The following TBC1D19 variants were observed in gnomAD, a reference collection of about 807,000 sequenced individuals.
The protein encoded by TBC1D19 is TBC1 domain family, member 19.
Under a neutral mutation model 89.0 loss-of-function variants are expected in TBC1D19, and 60 were observed. The observed-to-expected ratio is 0.67, with a 90% CI of 0.55 to 0.84. The LOEUF is 0.84. Ranked by LOEUF, TBC1D19 falls within the 40% of genes least tolerant of loss-of-function variation. The pLI, the probability that TBC1D19 is intolerant of heterozygous loss-of-function variation, is 0.00. For missense variants in TBC1D19, 500 were observed against 610.8 expected (o/e 0.82, Z 1.91); for synonymous variants, 189 against 199.7 (o/e 0.95, Z 0.45).
At chr4:26,585,485 AAT>A (rs1329093730) in intron 1 of TBC1D19, among the ~76,000 whole-genome samples, 3 of 152,064 alleles carry the variant, frequency 2.0e-5, no homozygotes, top group Non-Finnish European at 4.4e-5. Flanking sequence ...TTAAAAAAAA[AAT>A]AGTGTTGTCT....
At chr4:26,593,341 AG>A (rs756053915) in intron 1 of TBC1D19, among the ~76,000 whole-genome samples, 1 of 152,242 alleles carries the variant, frequency 6.6e-6, no homozygotes, top group Non-Finnish European at 1.5e-5. Context: ...AATTAATTCA[AG>A]ATGGATTAAA....
intron 1 of TBC1D19, among the ~76,000 whole-genome samples, chr4:26,604,233 C>CA (rs1171856182): frequency 2.0e-5 from 3 of 147,240 alleles, no homozygotes; most frequent in Non-Finnish European, 3.0e-5. Flanking sequence ...GGCTCACTGC[C>CA]AGCTCTGCCT....
At chr4:26,739,155 G>A (rs564220062) in intron 16 of TBC1D19, among the ~76,000 whole-genome samples, 40 of 152,246 alleles carry the variant, frequency 2.6e-4, no homozygotes, top group African/African-American at 8.7e-4. Context: ...CAGGTAGGTC[G>A]CCAATCCAAG....
intron 17 of TBC1D19, among the ~76,000 whole-genome samples, chr4:26,742,015 A>G (rs1201455226): frequency 6.6e-6 from 1 of 152,218 alleles, no homozygotes; most frequent in Non-Finnish European, 1.5e-5. Context: ...GGTAGATTTC[A>G]AAGAAAGAGT....
the TBC1D19 span, among the ~76,000 whole-genome samples, chr4:26,791,503 C>T: frequency 6.6e-6 from 1 of 152,140 alleles, no homozygotes; most frequent in Non-Finnish European, 1.5e-5. Context: ...GATCACTCTG[C>T]CTGGTAGCTG....
the TBC1D19 span, among the ~76,000 whole-genome samples, chr4:26,805,186 G>T: frequency 6.6e-6 from 1 of 152,204 alleles, no homozygotes; most frequent in Non-Finnish European, 1.5e-5. Flanking sequence ...GATTAAAAAA[G>T]TCCATAAAGG....
the TBC1D19 span, among the ~76,000 whole-genome samples, chr4:26,833,802 T>C: frequency 6.6e-6 from 1 of 152,230 alleles, no homozygotes; most frequent in Non-Finnish European, 1.5e-5. Flanking sequence ...TACTGATGAC[T>C]GCCTTGTGCT....
chr4:26,667,789 G>A (rs1038858549), intron 9 of TBC1D19, among the ~76,000 whole-genome samples: 2 of 151,818 alleles, frequency 1.3e-5, no homozygotes, highest in African/African-American at 4.8e-5. Flanking sequence ...TTCATTTTTA[G>A]TAAATAACTG....
the TBC1D19 span, among the ~76,000 whole-genome samples, chr4:26,786,649 A>G: frequency 6.7e-6 from 1 of 149,924 alleles, no homozygotes; most frequent in African/African-American, 2.4e-5. Flanking sequence ...GTCTTGCTGC[A>G]TGTAGGTTTT....
chr4:26,726,353 T>C (rs931393299), intron 15 of TBC1D19, among the ~76,000 whole-genome samples: 1 of 152,160 alleles, frequency 6.6e-6, no homozygotes, highest in African/African-American at 2.4e-5. Flanking sequence ...AAGTGTCAAA[T>C]TAATAAATAG....
At chr4:26,604,188 C>T (rs1560410994) in intron 1 of TBC1D19, among the ~76,000 whole-genome samples, 1 of 130,356 alleles carries the variant, frequency 7.7e-6, no homozygotes, top group Non-Finnish European at 1.5e-5. Context: ...GAGTGTCGCT[C>T]TGTTACCCAG....
chr4:26,625,790 A>G (rs1577827159), intron 4 of TBC1D19, among the ~76,000 whole-genome samples: 1 of 152,156 alleles, frequency 6.6e-6, no homozygotes. Context: ...GAGGAAGATC[A>G]CAGATGTAAA....
chr4:26,604,907 A>C (rs941708087), intron 1 of TBC1D19, among the ~76,000 whole-genome samples: 1 of 149,800 alleles, frequency 6.7e-6, no homozygotes, highest in Non-Finnish European at 1.5e-5. Context: ...AATAATAATA[A>C]AAATGCTACT....
At chr4:26,611,261 C>G (rs1401382730) in intron 1 of TBC1D19, among the ~76,000 whole-genome samples, 1 of 152,012 alleles carries the variant, frequency 6.6e-6, no homozygotes, top group African/African-American at 2.4e-5. Flanking sequence ...ATATATGTCT[C>G]TAGATACTAT....
the TBC1D19 span, among the ~76,000 whole-genome samples, chr4:26,777,424 C>T: frequency 2.0e-5 from 3 of 150,462 alleles, no homozygotes; most frequent in South Asian, 2.1e-4. Flanking sequence ...CGTGAGCCAC[C>T]GCACTCTGCC....
intron 15 of TBC1D19, among the ~76,000 whole-genome samples, chr4:26,720,546 AG>A (rs1451884117): frequency 6.6e-6 from 1 of 152,190 alleles, no homozygotes; most frequent in Non-Finnish European, 1.5e-5. Context: ...TATTATTAAA[AG>A]GTATCACTGA....
At chr4:26,769,308 CA>C in the TBC1D19 span, among the ~76,000 whole-genome samples, 1 of 151,618 alleles carries the variant, frequency 6.6e-6, no homozygotes, top group Admixed American at 6.6e-5. Flanking sequence ...GTCCTTCAAG[CA>C]GAAGAAAAAT....
chr4:26,601,628 G>T (rs187699926), intron 1 of TBC1D19, among the ~76,000 whole-genome samples: 16 of 152,180 alleles, frequency 1.1e-4, no homozygotes, highest in Non-Finnish European at 2.1e-4. Flanking sequence ...TCTAGGTTGA[G>T]TAGAACTAGA....
chr4:26,856,891 C>T, the TBC1D19 span, among the ~76,000 whole-genome samples: 2 of 152,298 alleles, frequency 1.3e-5, no homozygotes, highest in Non-Finnish European at 2.9e-5. Flanking sequence ...CGGGCTTTAG[C>T]GGGCAAAGTT....
Sources: allele counts gnomAD v4.1 joint callset (sites outside exome capture counted in the v4.1 genomes callset), GRCh38; gene constraint gnomAD v4.1.1; transcripts MANE v1.5; gene names NCBI Gene and HGNC (gene_info 2026-07-23, HGNC 2026-07-21).